SCGB2B2: variants seen among roughly 807,000 people sequenced by gnomAD.
The protein encoded by SCGB2B2 is secretoglobin-like protein.
Under a neutral mutation model 7.6 loss-of-function variants are expected in SCGB2B2, and 11 were observed. The observed-to-expected ratio is 1.45, with a 90% confidence interval of 0.91 to 2.40. The LOEUF (loss-of-function observed/expected upper bound fraction) is 2.40, where lower values mean the gene tolerates loss of function less well. Among genes scored for constraint, SCGB2B2 ranks in the 30% most tolerant of loss-of-function variants. The pLI is 0.00. For missense variants in SCGB2B2, 104 were observed against 115.4 expected, an observed-to-expected ratio of 0.90 and a Z score of 0.45; for synonymous variants, 50 against 48.6, an observed-to-expected ratio of 1.03 and a Z score of -0.12.
At chr19:34,600,517 A>G (rs2087758925) in intron 1 of SCGB2B2, among the ~76,000 whole-genome samples, 2 of 152,186 alleles carry the variant, frequency 1.3e-5, no homozygotes, top group South Asian at 4.1e-4. Flanking sequence ...ACACTGTAGT[A>G]TTTCCTGCTG....
intron 1 of SCGB2B2, among the ~76,000 whole-genome samples, chr19:34,629,494 A>C (rs2066468753): frequency 6.6e-6 from 1 of 151,922 alleles, no homozygotes; most frequent in Admixed American, 6.6e-5. Flanking sequence ...AGAGAACCAA[A>C]TCGTGAGTGA....
At chr19:34,593,648 TC>T in intron 3 of SCGB2B2, 49 bp from the exon 4 acceptor site, 1 of 1,472,152 alleles carries the variant, frequency 6.8e-7, no homozygotes, top group Non-Finnish European at 9.3e-7. Context: ...TGTGAAAGGC[TC>T]CCCAGACTCA....
chr19:34,601,268 T>C (rs920721959), intron 1 of SCGB2B2, among the ~76,000 whole-genome samples: 2 of 152,278 alleles, frequency 1.3e-5, no homozygotes, highest in Non-Finnish European at 2.9e-5. Flanking sequence ...TATGCCAATG[T>C]GGCACTGTGT....
intron 3 of SCGB2B2, among the ~76,000 whole-genome samples, 199 bp downstream of exon 3, chr19:34,593,976 G>A (rs2065367395): frequency 6.6e-6 from 1 of 151,886 alleles, no homozygotes; most frequent in African/African-American, 2.4e-5. Context: ...CAGAGTTGCA[G>A]CGTCTGGGTC....
chr19:34,642,714 C>CAAAA (rs55922005), intron 1 of SCGB2B2, among the ~76,000 whole-genome samples: 5,897 of 39,610 alleles, frequency 0.15, 1,772 homozygotes, highest in East Asian at 0.23. Context: ...GACTCCGTCT[C>CAAAA]AAAAAAAAAA....
intron 3 of SCGB2B2, 50 bp from the exon 4 acceptor site, chr19:34,593,649 C>A: frequency 6.8e-7 from 1 of 1,469,240 alleles, no homozygotes; most frequent in South Asian, 1.2e-5. Flanking sequence ...GTGAAAGGCT[C>A]CCCAGACTCA....
At chr19:34,666,541 G>A (rs2067628286) in intron 1 of SCGB2B2, among the ~76,000 whole-genome samples, 1 of 152,022 alleles carries the variant, frequency 6.6e-6, no homozygotes, top group East Asian at 1.9e-4. Context: ...CCTGGCAGAT[G>A]CCACCTGCTG....
rs570258421 is a variant in SCGB2B2 at position 34,591,497 on chromosome 19, G to A, written c.*2058C>T. 6.6e-5 allele frequency among the ~76,000 whole-genome samples: 10 copies of A among 152,256 alleles called. No homozygotes were observed. The South Asian group carries it at 1.2e-3, about 19-fold the overall frequency. ...TCTTCCTGCCTCTACTGCCGCCCCC[G>A]TTGCTCTATTCCAACAGGGAAAGTG... On this transcript the variant is annotated 3_prime_UTR_variant, in exon 4 of 4. Transcript: ENST00000601241.
intron 1 of SCGB2B2, among the ~76,000 whole-genome samples, chr19:34,611,778 T>C (rs1480897266): frequency 2.0e-5 from 3 of 151,686 alleles, no homozygotes; most frequent in Non-Finnish European, 4.4e-5. Context: ...GCTTCCCTAG[T>C]AGCTGGGATT....
Position 34,643,914 on chromosome 19 carries a change from AAAG to A in SCGB2B2, c.-2032+31713_-2032+31715del, listed in dbSNP as rs1043925745. On this transcript the variant is annotated intron_variant, in intron 1 of 3. Transcript: ENST00000601241. ...AGTCAGAAAGTTAAGCAGAAAAAAA[AAAG>A]AAGACAATTACTTTCTACAGAAAAA... Among the ~76,000 whole-genome samples the A allele has an allele frequency of 1.3e-4, 20 of 152,310 alleles. 1 individual carries two copies. The highest frequency in any genetic ancestry group is 4.6e-4 in the African/African-American group (19 of 41,578).
chr19:34,622,569 G>A (rs1344721620), intron 1 of SCGB2B2, among the ~76,000 whole-genome samples: 1 of 152,146 alleles, frequency 6.6e-6, no homozygotes, highest in Non-Finnish European at 1.5e-5. Context: ...CTAGATATAG[G>A]TACTTTACTG....
intron 1 of SCGB2B2, among the ~76,000 whole-genome samples, chr19:34,660,314 CA>C (rs1482645233): frequency 6.6e-6 from 1 of 152,152 alleles, no homozygotes; most frequent in Non-Finnish European, 1.5e-5. Flanking sequence ...AGCTTCTGCA[CA>C]GCAAAAGAAA....
At chr19:34,621,343 T>C (rs577702350) in intron 1 of SCGB2B2, among the ~76,000 whole-genome samples, 17 of 152,240 alleles carry the variant, frequency 1.1e-4, no homozygotes, top group Non-Finnish European at 2.4e-4. Context: ...TAAACAGGCA[T>C]ACCTGAAAGG....
chr19:34,629,868 A>G (rs10423714), intron 1 of SCGB2B2, among the ~76,000 whole-genome samples: 14,652 of 152,046 alleles, frequency 0.096, 1,016 homozygotes, highest in South Asian at 0.19. Context: ...AAACTATACT[A>G]CAAGGCTACA....
At chr19:34,585,655 G>T (rs1310106807), downstream of SCGB2B2, among the ~76,000 whole-genome samples, 4 of 152,192 alleles carry the variant, frequency 2.6e-5, no homozygotes, top group Non-Finnish European at 5.9e-5. Flanking sequence ...TGGTGGGCAG[G>T]GGACTTGGTT....
At chr19:34,653,056 C>G (rs1020495255) in intron 1 of SCGB2B2, among the ~76,000 whole-genome samples, 1 of 151,294 alleles carries the variant, frequency 6.6e-6, no homozygotes, top group Non-Finnish European at 1.5e-5. Flanking sequence ...TCATTTGCAG[C>G]AACATGGATG....
chr19:34,608,012 G>C (rs2065828040), intron 1 of SCGB2B2, among the ~76,000 whole-genome samples: 1 of 152,160 alleles, frequency 6.6e-6, no homozygotes, highest in East Asian at 1.9e-4. Context: ...GGGATTCATG[G>C]AATCTGATAG....
At chr19:34,612,665 G>T (rs1451628810) in intron 1 of SCGB2B2, among the ~76,000 whole-genome samples, 1 of 152,162 alleles carries the variant, frequency 6.6e-6, no homozygotes, top group South Asian at 2.1e-4. Flanking sequence ...ATGTCTGTTA[G>T]ATTTGTTTGA....
chr19:34,668,573 G>A (rs1259956371), intron 1 of SCGB2B2, among the ~76,000 whole-genome samples: 2 of 152,216 alleles, frequency 1.3e-5, no homozygotes, highest in Admixed American at 6.5e-5. Context: ...CTGTGGCCCC[G>A]GTGCGGGATC....
Sources: allele counts gnomAD v4.1 joint callset (sites outside exome capture counted in the v4.1 genomes callset), GRCh38; gene constraint gnomAD v4.1.1; transcripts MANE v1.5; gene names NCBI Gene and HGNC (gene_info 2026-07-23, HGNC 2026-07-21).